Variants in PINX1 observed in about 807,000 individuals in gnomAD.
PINX1 encodes the protein PIN2 (TERF1) interacting telomerase inhibitor 1.
A neutral mutation model predicts 25.4 loss-of-function variants in PINX1; 34 were observed. The ratio of observed to expected loss-of-function variants is 1.34; its 90% CI spans 1.02 to 1.78. The LOEUF is 1.78. Ranked by LOEUF, PINX1 falls within the 40% of genes most tolerant of loss-of-function variation. PINX1 has a pLI of 0.00. For synonymous variants in PINX1, 197 were observed against 147.7 expected (o/e 1.33, Z -2.42); for missense variants, 592 against 404.9 (o/e 1.46, Z -3.97).
intron 6 of PINX1, among the ~76,000 whole-genome samples, chr8:10,818,513 C>T (rs1403801351): frequency 6.6e-6 from 1 of 152,120 alleles, no homozygotes; most frequent in African/African-American, 2.4e-5. Context: ...TACAAAAGCC[C>T]ACAAGTAACA....
chr8:10,815,273 G>C (rs1797664409), intron 6 of PINX1, among the ~76,000 whole-genome samples: 1 of 152,198 alleles, frequency 6.6e-6, no homozygotes, highest in South Asian at 2.1e-4. Context: ...AAAAAGGTCA[G>C]AGAGAGGACA....
chr8:10,803,368 C>T lies in PINX1; in HGVS notation c.471+16825G>A, dbSNP rs116695100. On this transcript the variant is annotated intron_variant, in intron 6 of 6. Coordinates refer to ENST00000314787, the MANE Select transcript of PINX1 (RefSeq NM_017884.6). ...ATCTAATGCGATCTATCATCAGTTTCCTCACCAGCTCATGGACGTCTTTTT... is the reference window on the plus strand; with the variant it reads ...ATCTAATGCGATCTATCATCAGTTTTCTCACCAGCTCATGGACGTCTTTTT... Among the ~76,000 whole-genome samples the T allele has an allele frequency of 8.6e-3, 1,316 of 152,320 alleles. 21 individuals carry two copies. The highest frequency in any genetic ancestry group is 0.03 in the African/African-American group (1,237 of 41,558).
intron 6 of PINX1, among the ~76,000 whole-genome samples, chr8:10,766,164 G>GGT: frequency 6.6e-6 from 1 of 152,338 alleles, no homozygotes; most frequent in African/African-American, 2.4e-5. Context: ...TACCAGGTGG[G>GGT]GTGGTAGATG....
At chr8:10,787,847 G>A (rs530742670) in intron 6 of PINX1, 1 of 455,858 alleles carries the variant, frequency 2.2e-6, no homozygotes, top group African/African-American at 2.0e-5. Flanking sequence ...AAAGAGAGAA[G>A]GAATGAGAAC....
chr8:10,836,546 C>T (rs1409723322), intron 1 of PINX1, among the ~76,000 whole-genome samples: 1 of 152,202 alleles, frequency 6.6e-6, no homozygotes, highest in Non-Finnish European at 1.5e-5. Context: ...ACTGCACACG[C>T]TTCACATTAC....
At chr8:10,809,485 G>C (rs1802558821) in intron 6 of PINX1, among the ~76,000 whole-genome samples, 1 of 152,088 alleles carries the variant, frequency 6.6e-6, no homozygotes. Flanking sequence ...TTACTCACAG[G>C]GCTCATTTTC....
intron 6 of PINX1, among the ~76,000 whole-genome samples, chr8:10,814,108 G>C (rs532247892): frequency 6.6e-6 from 1 of 152,062 alleles, no homozygotes; most frequent in Admixed American, 6.6e-5. Context: ...CATTATCTTC[G>C]ATCATTTCTT....
intron 6 of PINX1, among the ~76,000 whole-genome samples, chr8:10,794,842 A>G (rs10503410): frequency 0.16 from 24,657 of 152,214 alleles, 2,478 homozygotes; most frequent in Non-Finnish European, 0.23. Flanking sequence ...TTTTAGTGAC[A>G]TCAATATAAC....
At chr8:10,818,547 T>C (rs765043373) in intron 6 of PINX1, among the ~76,000 whole-genome samples, 1 of 152,154 alleles carries the variant, frequency 6.6e-6, no homozygotes, top group African/African-American at 2.4e-5. Flanking sequence ...TCTGTTCAAC[T>C]GTACATTTTC....
chr8:10,769,284 T>G (rs1413722319), intron 6 of PINX1, among the ~76,000 whole-genome samples: 4 of 152,204 alleles, frequency 2.6e-5, no homozygotes, highest in South Asian at 2.1e-4. Flanking sequence ...TGCACCAACC[T>G]AATAAAATAA....
At chr8:10,801,215 A>G (rs1475454610) in intron 6 of PINX1, among the ~76,000 whole-genome samples, 1 of 152,224 alleles carries the variant, frequency 6.6e-6, no homozygotes, top group East Asian at 1.9e-4. Context: ...GGGGAAGTGA[A>G]TAGAGGAAAG....
chr8:10,773,253 G>C (rs1008841468), intron 6 of PINX1, among the ~76,000 whole-genome samples: 5 of 152,178 alleles, frequency 3.3e-5, no homozygotes, highest in African/African-American at 1.2e-4. Flanking sequence ...TACACGTATG[G>C]AACTGGAGGA....
intron 6 of PINX1, among the ~76,000 whole-genome samples, chr8:10,778,634 T>G (rs1026222685): frequency 1.3e-5 from 2 of 152,172 alleles, no homozygotes. Context: ...ACAATGCATA[T>G]CACCATCTGA....
rs1226520858 is a variant in PINX1, at chr8:10,831,521, T to A, written c.301+144A>T. Reference sequence around the variant, plus strand: ...TGATGAACATAACACATGTGTACATTACAAATTGTGCACAGGTATTGACAT... The same window carrying A: ...TGATGAACATAACACATGTGTACATAACAAATTGTGCACAGGTATTGACAT... On this transcript the variant is annotated intron_variant, in intron 4 of 6. Coordinates refer to ENST00000314787, the MANE Select transcript of PINX1 (RefSeq NM_017884.6). 1.3e-5 allele frequency: 8 copies of A among 629,306 alleles called. No individual in the cohort carries two copies. The Admixed American group carries it at 1.6e-4, about 13-fold the overall frequency. 39.0% of individuals were successfully genotyped at this position (629,306 alleles called of 1,614,324 possible).
chr8:10,778,821 T>C (rs1801493743), intron 6 of PINX1, among the ~76,000 whole-genome samples: 1 of 152,228 alleles, frequency 6.6e-6, no homozygotes, highest in South Asian at 2.1e-4. Context: ...TCTTGTTAAA[T>C]CTCATAGTTA....
At chr8:10,798,021 G>A (rs987347216) in intron 6 of PINX1, among the ~76,000 whole-genome samples, 1 of 152,206 alleles carries the variant, frequency 6.6e-6, no homozygotes, top group Non-Finnish European at 1.5e-5. Flanking sequence ...ATGAAGTACT[G>A]AACTGACTTT....
intron 6 of PINX1, among the ~76,000 whole-genome samples, chr8:10,802,599 T>C (rs1802303972): frequency 6.6e-6 from 1 of 152,216 alleles, no homozygotes; most frequent in South Asian, 2.1e-4. Flanking sequence ...TCCTAACTGC[T>C]TGCTACTCTC....
chr8:10,809,706 C>A (rs1802566476), intron 6 of PINX1, among the ~76,000 whole-genome samples: 1 of 152,228 alleles, frequency 6.6e-6, no homozygotes, highest in Admixed American at 6.5e-5. Context: ...AGAAGCACAT[C>A]TTCAACATGT....
chr8:10,834,607 C>T, intron 2 of PINX1, 59 bp downstream of exon 2: 2 of 1,576,214 alleles, frequency 1.3e-6, no homozygotes, highest in Non-Finnish European at 1.7e-6. Flanking sequence ...AGGAAGTTTT[C>T]CCCTAATTTC....
Sources: gnomAD v4.1 joint callset for allele counts (sites outside exome capture counted in the v4.1 genomes callset) on GRCh38, gnomAD v4.1.1 for gene constraint, MANE v1.5 for transcripts, NCBI Gene and HGNC (gene_info 2026-07-23, HGNC 2026-07-21) for gene names.